AOAH: variants seen among roughly 807,000 people sequenced by gnomAD.
AOAH encodes the protein acyloxyacyl hydrolase, also known as acyloxyacyl hydrolase (neutrophil).
Under a neutral mutation model 92.2 loss-of-function variants are expected in AOAH, and 64 were observed. That is an observed-to-expected ratio of 0.69 (90% confidence interval 0.57 to 0.86). The LOEUF (loss-of-function observed/expected upper bound fraction) is 0.86. AOAH is among the 40% of genes least tolerant of loss of function. AOAH has a pLI of 0.00. For synonymous variants in AOAH, 263 were observed against 254.5 expected (o/e 1.03, Z -0.32); for missense variants, 656 against 694.6 (o/e 0.94, Z 0.62).
At chr7:36,523,894 G>A (rs1037958253) in intron 19 of AOAH, among the ~76,000 whole-genome samples, 36 of 152,062 alleles carry the variant, frequency 2.4e-4, no homozygotes, top group African/African-American at 8.2e-4. Flanking sequence ...CAGAGAGCCA[G>A]GATCACCACC....
chr7:36,723,819 T>C (rs1178789670), intron 1 of AOAH, among the ~76,000 whole-genome samples: 1 of 152,156 alleles, frequency 6.6e-6, no homozygotes, highest in East Asian at 1.9e-4. Flanking sequence ...TTTAAACTAG[T>C]ATGCTTTTTA....
chr7:36,715,811 T>C (rs1451113813), intron 1 of AOAH, among the ~76,000 whole-genome samples: 5 of 151,624 alleles, frequency 3.3e-5, no homozygotes, highest in East Asian at 3.8e-4. Flanking sequence ...TTACACCTTA[T>C]ACAAAAATTA....
At chr7:36,697,620 C>T (rs1015067968) in intron 1 of AOAH, among the ~76,000 whole-genome samples, 8 of 152,108 alleles carry the variant, frequency 5.3e-5, no homozygotes, top group African/African-American at 1.9e-4. Context: ...CTTTAAGTAC[C>T]TTACAGAGTT....
chr7:36,711,786 T>G (rs937850057), intron 1 of AOAH, among the ~76,000 whole-genome samples: 4 of 152,080 alleles, frequency 2.6e-5, no homozygotes, highest in Non-Finnish European at 5.9e-5. Context: ...GCAGGGCCAA[T>G]GTCCAGACTG....
chr7:36,609,891 C>A (rs1402515776), intron 11 of AOAH, among the ~76,000 whole-genome samples: 1 of 151,898 alleles, frequency 6.6e-6, no homozygotes, highest in Non-Finnish European at 1.5e-5. Flanking sequence ...TGCTGCTGGG[C>A]CTGCAGAGAT....
chr7:36,560,661 G>C (rs1163726142), intron 13 of AOAH, among the ~76,000 whole-genome samples: 1 of 152,136 alleles, frequency 6.6e-6, no homozygotes, highest in Non-Finnish European at 1.5e-5. Context: ...CTAGGTGTAA[G>C]AATCATATTG....
intron 13 of AOAH, among the ~76,000 whole-genome samples, chr7:36,553,109 T>G: frequency 8.7e-6 from 1 of 115,278 alleles, no homozygotes; most frequent in Non-Finnish European, 1.8e-5. Context: ...CCCAATGCTA[T>G]CCCTCCCCCC....
At chr7:36,696,721 A>G (rs1797734648) in intron 1 of AOAH, among the ~76,000 whole-genome samples, 1 of 151,978 alleles carries the variant, frequency 6.6e-6, no homozygotes, top group Non-Finnish European at 1.5e-5. Flanking sequence ...TTAACTGGGC[A>G]TGGTGGTGCA....
chr7:36,678,550 AGTGTGTGTGTGTGTGTGTGTGTGT>A (rs529261307), intron 2 of AOAH, among the ~76,000 whole-genome samples: 9 of 118,936 alleles, frequency 7.6e-5, no homozygotes, highest in South Asian at 6.9e-4. Flanking sequence ...TAAGATAAGC[AGTGTGTGTGTGTGTGTGTGTGTGT>A]GTGTGTGTGT....
chr7:36,673,461 T>C (rs141644117), intron 3 of AOAH, among the ~76,000 whole-genome samples: 8,712 of 152,108 alleles, frequency 0.057, 725 homozygotes, highest in African/African-American at 0.18. Flanking sequence ...TGCTTGAACC[T>C]GGGAGGTGGA....
chr7:36,519,765 A>C (rs1316125935), intron 20 of AOAH, among the ~76,000 whole-genome samples: 1 of 151,836 alleles, frequency 6.6e-6, no homozygotes, highest in East Asian at 1.9e-4. Flanking sequence ...CTCTCATCCC[A>C]CCCCATAATG....
intron 7 of AOAH, 74 bp from the exon 8 acceptor site, chr7:36,621,854 T>C: frequency 1.5e-6 from 2 of 1,319,386 alleles, no homozygotes; most frequent in Admixed American, 3.4e-5. Flanking sequence ...TAATCAGAGT[T>C]GTCTGAATGG....
chr7:36,592,587 T>A (rs1246451031), intron 12 of AOAH, among the ~76,000 whole-genome samples: 4 of 152,170 alleles, frequency 2.6e-5, no homozygotes, highest in African/African-American at 9.7e-5. Flanking sequence ...CAAGAACATA[T>A]CTTTGTTATG....
At chr7:36,609,012 A>ACAATTGGCAATGAC (rs1255161522) in intron 11 of AOAH, among the ~76,000 whole-genome samples, 8 of 151,986 alleles carry the variant, frequency 5.3e-5, no homozygotes, top group Non-Finnish European at 1.2e-4. Context: ...CTGTGGGAAG[A>ACAATTGGCAATGAC]CCTGCAATTG....
chr7:36,579,596 CAAGGAG>C (rs1012433478), intron 12 of AOAH, among the ~76,000 whole-genome samples: 1 of 151,990 alleles, frequency 6.6e-6, no homozygotes, highest in Admixed American at 6.6e-5. Context: ...GGCTGAGGAG[CAAGGAG>C]AACCAGTTCA....
At chr7:36,677,195 C>CTATCA (rs1796304546) in intron 2 of AOAH, among the ~76,000 whole-genome samples, 1 of 152,106 alleles carries the variant, frequency 6.6e-6, no homozygotes, top group African/African-American at 2.4e-5. Context: ...ATCAAATGAC[C>CTATCA]TATCACAGTG....
chr7:36,530,502 G>A lies in AOAH; in HGVS notation c.1438C>T (p.Leu480Phe). 1 of 1,611,740 alleles carries A rather than the reference G, an allele frequency of 6.2e-7. No individual in the cohort carries two copies. Among genetic ancestry groups the A allele is most frequent in the Non-Finnish European group, 8.5e-7 (1 of 1,177,882 alleles). Reference protein sequence around the residue: ...RTLTSERAEQLSNTLKKIAAS... With the variant: ...RTLTSERAEQFSNTLKKIAAS... ...GCAATTTTTTTCAGTGTGTTGGAGA[G>A]TTGCTCTGCTCTCTGAAGAGAGAGG... The change falls in exon 19 of 21, where the codon CTC becomes TTC. Residue 480 changes from leucine (L) to phenylalanine (F), a missense_variant. By Grantham distance (22) the Leu-to-Phe change is conservative. Transcript: ENST00000617537.
intron 4 of AOAH, among the ~76,000 whole-genome samples, chr7:36,654,163 G>A (rs13438734): frequency 7.7e-6 from 1 of 130,690 alleles, no homozygotes; most frequent in East Asian, 3.1e-4. Context: ...CAATCAATGC[G>A]CTGTTTCATG....
At chr7:36,637,792 G>A in intron 5 of AOAH, 59 bp downstream of exon 5, 1 of 1,503,874 alleles carries the variant, frequency 6.6e-7, no homozygotes, top group Non-Finnish European at 9.3e-7. Flanking sequence ...TGAAAGCCGG[G>A]GCCAGTGAGA....
Sources: gnomAD v4.1 joint callset for allele counts (sites outside exome capture counted in the v4.1 genomes callset) on GRCh38, gnomAD v4.1.1 for gene constraint, MANE v1.5 for transcripts, NCBI Gene and HGNC (gene_info 2026-07-23, HGNC 2026-07-21) for gene names.